Variants in FBXL5 observed in about 807,000 individuals in gnomAD.
FBXL5 encodes the protein F-box/LRR-repeat protein 5.
A neutral mutation model predicts 78.3 loss-of-function variants in FBXL5; 26 were observed. That is an observed-to-expected ratio of 0.33 (90% CI 0.24 to 0.46). FBXL5 has a LOEUF of 0.46. Ranked by LOEUF, FBXL5 falls within the 20% of genes least tolerant of loss-of-function variation. The pLI, the probability that FBXL5 is intolerant of heterozygous loss-of-function variation, is 1.00. For missense variants in FBXL5, 710 were observed against 829.2 expected, an observed-to-expected ratio of 0.86 and a Z score of 1.77; for synonymous variants, 295 against 282.5, an observed-to-expected ratio of 1.04 and a Z score of -0.45.
At chr4:15,650,029 G>C (rs541941189) in intron 1 of FBXL5, among the ~76,000 whole-genome samples, 1 of 152,234 alleles carries the variant, frequency 6.6e-6, no homozygotes, top group Admixed American at 6.5e-5. Context: ...TTGCTCTAAA[G>C]CAACAGCTCT....
intron 1 of FBXL5, among the ~76,000 whole-genome samples, chr4:15,677,327 A>T (rs1472261448): frequency 6.6e-6 from 1 of 152,170 alleles, no homozygotes; most frequent in Non-Finnish European, 1.5e-5. Flanking sequence ...AACCCTTGGA[A>T]TTTCCTAATA....
intron 1 of FBXL5, among the ~76,000 whole-genome samples, chr4:15,678,067 T>C (rs1718061413): frequency 1.3e-5 from 2 of 152,232 alleles, no homozygotes; most frequent in Non-Finnish European, 2.9e-5. Context: ...GTGTGTTTCA[T>C]ACATACTTTC....
chr4:15,632,605 A>T (rs1461054029), intron 5 of FBXL5, among the ~76,000 whole-genome samples: 2 of 152,108 alleles, frequency 1.3e-5, no homozygotes, highest in Non-Finnish European at 2.9e-5. Flanking sequence ...AGTGGTTTGT[A>T]GTTCTCCTTG....
intron 7 of FBXL5, among the ~76,000 whole-genome samples, chr4:15,627,451 T>C (rs1440696336): frequency 6.6e-6 from 1 of 152,182 alleles, no homozygotes; most frequent in African/African-American, 2.4e-5. Context: ...GTTTTAGCAG[T>C]TATGAGACTA....
At chr4:15,648,617 CAGAG>C (rs1715612222) in intron 1 of FBXL5, among the ~76,000 whole-genome samples, 4 of 152,066 alleles carry the variant, frequency 2.6e-5, no homozygotes, top group Admixed American at 2.6e-4. Context: ...AAGCCAGAGA[CAGAG>C]AGATAAATAA....
At chr4:15,661,270 A>G (rs556680930), upstream of FBXL5, among the ~76,000 whole-genome samples, 1 of 152,278 alleles carries the variant, frequency 6.6e-6, no homozygotes, top group African/African-American at 2.4e-5. Context: ...CACTGTTTTA[A>G]AAGTGTTCTT....
At chr4:15,660,714 A>C (rs574276795), upstream of FBXL5, among the ~76,000 whole-genome samples, 14 of 152,270 alleles carry the variant, frequency 9.2e-5, 1 homozygote, top group Admixed American at 8.5e-4. Context: ...AATCTACAAC[A>C]TGTGTAAAAA....
intron 7 of FBXL5, 78 bp downstream of exon 7, chr4:15,627,807 T>G (rs1372622235): frequency 1.4e-6 from 2 of 1,444,794 alleles, no homozygotes; most frequent in East Asian, 4.6e-5. Flanking sequence ...TCCCCTTAAT[T>G]AAACTCAGGA....
intron 1 of FBXL5, among the ~76,000 whole-genome samples, chr4:15,672,884 A>G (rs924075859): frequency 6.6e-6 from 1 of 152,162 alleles, no homozygotes; most frequent in Admixed American, 6.5e-5. Flanking sequence ...AATATTTTTT[A>G]TATCCTTATT....
chr4:15,613,573 T>C (rs1334768788), intron 9 of FBXL5, among the ~76,000 whole-genome samples: 1 of 151,860 alleles, frequency 6.6e-6, no homozygotes, highest in African/African-American at 2.4e-5. Flanking sequence ...TATTCTTAGA[T>C]TTGGTCATTT....
intron 2 of FBXL5, among the ~76,000 whole-genome samples, chr4:15,641,845 G>A (rs771149728): frequency 2.0e-5 from 3 of 151,918 alleles, no homozygotes; most frequent in Admixed American, 6.6e-5. Context: ...AGCCCAACGC[G>A]GCGAAACCCT....
intron 9 of FBXL5, among the ~76,000 whole-genome samples, chr4:15,616,901 C>T (rs370051123): frequency 1.3e-5 from 2 of 152,200 alleles, no homozygotes; most frequent in East Asian, 1.9e-4. Context: ...AGTTTTTCAG[C>T]TGTCTCACAG....
chr4:15,659,668 CA>C (rs1717213424), upstream of FBXL5: 6 of 932,716 alleles, frequency 6.4e-6, no homozygotes, highest in Non-Finnish European at 7.7e-6. Context: ...AGTTTCCTTG[CA>C]AAATTTTCAG....
chr4:15,624,754 C>A (rs1712848274), intron 9 of FBXL5, among the ~76,000 whole-genome samples: 1 of 152,036 alleles, frequency 6.6e-6, no homozygotes, highest in Non-Finnish European at 1.5e-5. Context: ...ACCAAAATTT[C>A]TAAACTCTAG....
chr4:15,650,588 T>C (rs1431166745), intron 1 of FBXL5, among the ~76,000 whole-genome samples: 1 of 150,762 alleles, frequency 6.6e-6, no homozygotes, highest in African/African-American at 2.4e-5. Flanking sequence ...CTTATATATA[T>C]AAAAGGACGC....
chr4:15,630,922 T>A (rs1024904650), intron 5 of FBXL5, 131 bp from the exon 6 acceptor site: 11 of 1,095,940 alleles, frequency 1.0e-5, no homozygotes, highest in Non-Finnish European at 1.4e-5. Context: ...TAAGCAACTG[T>A]TTTTTTTTAA....
At chr4:15,680,930 T>C (rs1718225808) in intron 1 of FBXL5, among the ~76,000 whole-genome samples, 2 of 148,688 alleles carry the variant, frequency 1.3e-5, no homozygotes, top group South Asian at 2.1e-4. Context: ...AGAATATATA[T>C]ATATTCTCCT....
chr4:15,625,411 G>A lies in FBXL5; in HGVS notation c.1691C>T (p.Pro564Leu). The A allele has an allele frequency of 1.9e-6, 3 of 1,614,114 alleles. No individual in the cohort carries two copies. Among genetic ancestry groups the A allele is most frequent in the East Asian group, 2.2e-5 (1 of 44,874 alleles). ...TTTTCTACACATTGCAGAAGATTCT[G>A]GGAGTGATGACATAGTTCTTAAAGC... ...GTALRTMSSLPESSAMCRKAA... is the reference protein window; with the variant it reads ...GTALRTMSSLLESSAMCRKAA... The change falls in exon 9 of 11, where the codon CCA (proline) becomes CTA (leucine). Residue 564 changes from proline to leucine, a missense_variant. Pro to Leu is a moderately conservative substitution (Grantham distance 98). Transcript: ENST00000341285.
intron 7 of FBXL5, 26 bp downstream of exon 7, chr4:15,627,859 C>A (rs752027931): frequency 6.3e-7 from 1 of 1,581,126 alleles, no homozygotes; most frequent in East Asian, 2.3e-5. Flanking sequence ...TTCTTAATAC[C>A]CAAACTAGTG....
Sources: allele counts gnomAD v4.1 joint callset (sites outside exome capture counted in the v4.1 genomes callset), GRCh38; gene constraint gnomAD v4.1.1; transcripts MANE v1.5; gene names NCBI Gene and HGNC (gene_info 2026-07-23, HGNC 2026-07-21).